The following CSMD1 variants were observed in gnomAD, a reference collection of about 807,000 sequenced individuals.
CSMD1 encodes the protein CUB and Sushi multiple domains 1, also known as CUB and sushi domain-containing protein 1.
CSMD1 carries 213 observed loss-of-function variants against 417.5 expected under a neutral mutation model. The observed-to-expected ratio is 0.51, with a 90% CI of 0.46 to 0.57. The LOEUF (loss-of-function observed/expected upper bound fraction) is 0.57. CSMD1 is among the 20% of genes least tolerant of loss of function. CSMD1 has a pLI of 0.00. For synonymous variants in CSMD1, 2,862 were observed against 1,736.8 expected (o/e 1.65, Z -16.11); for missense variants, 6,923 against 4,529.7 (o/e 1.53, Z -15.17).
chr8:4,226,994 G>C (rs1801399898), intron 3 of CSMD1, among the ~76,000 whole-genome samples: 1 of 152,196 alleles, frequency 6.6e-6, no homozygotes, highest in South Asian at 2.1e-4. Context: ...GAAAACTAAA[G>C]GGGGTAAATC....
chr8:4,319,797 T>A (rs1799163004), intron 3 of CSMD1, among the ~76,000 whole-genome samples: 1 of 152,008 alleles, frequency 6.6e-6, no homozygotes, highest in Non-Finnish European at 1.5e-5. Context: ...GAAGAGAGCT[T>A]CACAAGAGAT....
intron 3 of CSMD1, among the ~76,000 whole-genome samples, chr8:4,076,318 C>G (rs532293258): frequency 3.2e-4 from 49 of 152,308 alleles, no homozygotes; most frequent in African/African-American, 1.1e-3. Flanking sequence ...CCTGAGGCCT[C>G]CCAGCCTTGC....
chr8:3,437,939 T>C (rs533862895), intron 12 of CSMD1, among the ~76,000 whole-genome samples: 3 of 151,978 alleles, frequency 2.0e-5, no homozygotes, highest in Non-Finnish European at 4.4e-5. Flanking sequence ...CAGGGTTTCA[T>C]CATGTTGGCC....
intron 50 of CSMD1, among the ~76,000 whole-genome samples, chr8:3,046,835 A>C (rs1472871328): frequency 6.6e-6 from 1 of 152,192 alleles, no homozygotes; most frequent in African/African-American, 2.4e-5. Context: ...GTATTAAACC[A>C]CTAAGATAAG....
intron 12 of CSMD1, among the ~76,000 whole-genome samples, chr8:3,459,048 A>T (rs1816331051): frequency 6.6e-6 from 1 of 152,202 alleles, no homozygotes; most frequent in South Asian, 2.1e-4. Context: ...CCCGGAGAGA[A>T]GGGAAGCGGC....
At chr8:3,069,162 G>T (rs1202375758) in intron 49 of CSMD1, among the ~76,000 whole-genome samples, 2 of 152,086 alleles carry the variant, frequency 1.3e-5, no homozygotes, top group Non-Finnish European at 2.9e-5. Flanking sequence ...TGGGCCGGGC[G>T]CAGTGACTCA....
chr8:4,695,677 A>G (rs139965564), intron 1 of CSMD1, among the ~76,000 whole-genome samples: 114 of 152,260 alleles, frequency 7.5e-4, no homozygotes, highest in African/African-American at 2.7e-3. Context: ...ACCTAGGTTG[A>G]TACATCATTA....
At chr8:3,317,692 G>A (rs916688223) in intron 23 of CSMD1, among the ~76,000 whole-genome samples, 2 of 152,068 alleles carry the variant, frequency 1.3e-5, no homozygotes, top group Non-Finnish European at 2.9e-5. Flanking sequence ...CGTTTATTTG[G>A]TATCATTACT....
chr8:3,791,028 C>T (rs911924206), intron 5 of CSMD1, among the ~76,000 whole-genome samples: 2 of 152,196 alleles, frequency 1.3e-5, no homozygotes, highest in Non-Finnish European at 2.9e-5. Flanking sequence ...AAAGACTCCA[C>T]TAAAACCATG....
intron 1 of CSMD1, among the ~76,000 whole-genome samples, chr8:4,970,479 A>G (rs1285467833): frequency 6.6e-6 from 1 of 152,158 alleles, no homozygotes; most frequent in Non-Finnish European, 1.5e-5. Flanking sequence ...TATGAGCTCC[A>G]TTATAACCCC....
intron 2 of CSMD1, among the ~76,000 whole-genome samples, chr8:4,636,917 C>T (rs538936161): frequency 5.4e-4 from 82 of 152,064 alleles, no homozygotes; most frequent in African/African-American, 1.8e-3. Context: ...CACCAATCAG[C>T]GCTCTGTAAA....
At position 3,578,284 on chromosome 8, in the gene CSMD1, C is replaced by T. The variant is rs188312189; in HGVS notation, c.1223-3218G>A. The stretch of plus-strand genomic sequence containing the variant: ...AAAGAAGAGATGACCCAGGGCTGAG[C>T]TTTGTACTGAGTAGATCCAATGAGT... On this transcript the variant is annotated intron_variant, in intron 9 of 69. Coordinates refer to ENST00000635120, the MANE Select transcript of CSMD1 (RefSeq NM_033225.6). Among the ~76,000 whole-genome samples the T allele has an allele frequency of 2.0e-5, 3 of 150,448 alleles. No homozygotes were observed. The Admixed American group carries it at 2.0e-4, about 10-fold the overall frequency.
At chr8:3,812,967 G>A (rs1229845529) in intron 5 of CSMD1, among the ~76,000 whole-genome samples, 1 of 152,120 alleles carries the variant, frequency 6.6e-6, no homozygotes, top group Non-Finnish European at 1.5e-5. Context: ...GGAACAGGCA[G>A]TGCAATTTCT....
intron 3 of CSMD1, among the ~76,000 whole-genome samples, chr8:4,060,330 C>G (rs977341831): frequency 6.6e-6 from 1 of 152,162 alleles, no homozygotes; most frequent in African/African-American, 2.4e-5. Flanking sequence ...AACCCACAGC[C>G]GATATCATAC....
chr8:4,413,552 T>C (rs370518568), intron 3 of CSMD1, among the ~76,000 whole-genome samples: 12 of 152,180 alleles, frequency 7.9e-5, no homozygotes, highest in East Asian at 7.7e-4. Context: ...CAGCACTAAT[T>C]CTTTTAAAAA....
chr8:4,203,893 G>T (rs186480930), intron 3 of CSMD1, among the ~76,000 whole-genome samples: 149 of 152,238 alleles, frequency 9.8e-4, no homozygotes, highest in African/African-American at 3.4e-3. Flanking sequence ...TTGAGCCAAG[G>T]AGTTTGAGGC....
Position 4,980,623 on chromosome 8 carries a change from C to A in CSMD1, c.85+13709G>T, listed in dbSNP as rs7834974. 3.1e-3 allele frequency among the ~76,000 whole-genome samples: 475 copies of A among 152,290 alleles called. 2 individuals are homozygous for A. The highest frequency in any genetic ancestry group is 4.8e-3 in the Non-Finnish European group (325 of 68,032). On this transcript the variant is annotated intron_variant, in intron 1 of 69. Coordinates refer to ENST00000635120, the MANE Select transcript of CSMD1 (RefSeq NM_033225.6). ...CTTTGAATTCAAAAATCTTATCTAG[C>A]CAGGCATGGTGGCTCACGCCTGTAA...
intron 33 of CSMD1, among the ~76,000 whole-genome samples, chr8:3,191,204 C>A (rs1365457283): frequency 6.6e-6 from 1 of 152,210 alleles, no homozygotes; most frequent in Non-Finnish European, 1.5e-5. Context: ...CCTGTAATCC[C>A]AGCACTTTGG....
chr8:3,754,123 G>T (rs1008856299), intron 5 of CSMD1, 81 bp from the exon 6 acceptor site: 4 of 820,994 alleles, frequency 4.9e-6, no homozygotes, highest in East Asian at 5.4e-5. Context: ...TTTGAAATCC[G>T]ATTACTTAAA....
Sources: allele counts gnomAD v4.1 joint callset (sites outside exome capture counted in the v4.1 genomes callset), GRCh38; gene constraint gnomAD v4.1.1; transcripts MANE v1.5; gene names NCBI Gene and HGNC (gene_info 2026-07-23, HGNC 2026-07-21).